Variants in EPHA7 observed in about 807,000 individuals in gnomAD.
EPHA7 encodes the protein EPH receptor A7.
In EPHA7, 25 loss-of-function variants were observed where a neutral mutation model predicts 112.6. The observed-to-expected ratio is 0.22, with a 90% CI of 0.16 to 0.31. The LOEUF (loss-of-function observed/expected upper bound fraction) is 0.31. Among genes scored for constraint, EPHA7 ranks in the 10% least tolerant of loss-of-function variants. EPHA7 has a pLI of 1.00. For missense variants in EPHA7, 962 were observed against 1,212.6 expected, an observed-to-expected ratio of 0.79 and a Z score of 3.07; for synonymous variants, 437 against 406.5, an observed-to-expected ratio of 1.07 and a Z score of -0.90.
chr6:93,404,620 C>CAT (rs112219676), intron 3 of EPHA7, among the ~76,000 whole-genome samples: 9,829 of 145,690 alleles, frequency 0.067, 1,026 homozygotes, highest in African/African-American at 0.23. Context: ...TACATATAAT[C>CAT]ATATATATAT....
At chr6:93,329,398 T>C (rs1319378962) in intron 5 of EPHA7, among the ~76,000 whole-genome samples, 2 of 151,432 alleles carry the variant, frequency 1.3e-5, no homozygotes, top group Non-Finnish European at 3.0e-5. Context: ...TTATAAGCAA[T>C]ATTAATGTAA....
At position 93,250,845 on chromosome 6, in the gene EPHA7, G is replaced by A. The variant is rs1200902107; in HGVS notation, c.2532+3802C>T. On this transcript the variant is annotated intron_variant, in intron 14 of 16. Coordinates refer to ENST00000369303, the MANE Select transcript of EPHA7 (RefSeq NM_004440.4). ...CCCAGAGGAACCAGAAGTGATTTGG[G>A]TAAATGTAATTTTAAAAAAGATCTC... Among the ~76,000 whole-genome samples the A allele has an allele frequency of 2.6e-5, 4 of 152,162 alleles. No homozygotes were observed. The East Asian group carries it at 7.7e-4, about 29-fold the overall frequency.
intron 3 of EPHA7, among the ~76,000 whole-genome samples, chr6:93,389,474 A>G (rs1435696849): frequency 6.6e-6 from 1 of 152,036 alleles, no homozygotes; most frequent in Non-Finnish European, 1.5e-5. Context: ...AATATTCTTG[A>G]TAATTATTTA....
At chr6:93,359,860 GAGAGAGAGAGAGAGAGATAGATAGAT>G (rs1415159874) in intron 3 of EPHA7, among the ~76,000 whole-genome samples, 26 of 102,676 alleles carry the variant, frequency 2.5e-4, no homozygotes, top group Non-Finnish European at 4.5e-4. Context: ...ATGATAGAGA[GAGAGAGAGAGAGAGAGATAGATAGAT>G]AGATAGATAG....
intron 5 of EPHA7, among the ~76,000 whole-genome samples, chr6:93,349,341 C>T (rs1775571849): frequency 6.6e-6 from 1 of 151,774 alleles, no homozygotes; most frequent in Non-Finnish European, 1.5e-5. Context: ...ATATGAATTA[C>T]TAAAATGTCA....
At chr6:93,393,938 T>C (rs1240913934) in intron 3 of EPHA7, among the ~76,000 whole-genome samples, 2 of 151,858 alleles carry the variant, frequency 1.3e-5, no homozygotes, top group African/African-American at 2.4e-5. Flanking sequence ...AGACAGCTTT[T>C]TCATAAATTT....
Position 93,242,259 on chromosome 6 carries a change from GT to G in EPHA7, c.*1166del, listed in dbSNP as rs1769720943. The G allele has an allele frequency of 5.1e-6, 1 of 197,256 alleles. No homozygotes were observed. The highest frequency in any genetic ancestry group is 1.0e-5 in the Non-Finnish European group (1 of 96,134). 12.2% of individuals were successfully genotyped at this position (197,256 alleles called of 1,614,324 possible). On this transcript the variant is annotated 3_prime_UTR_variant, in exon 17 of 17. Coordinates refer to ENST00000369303, the MANE Select transcript of EPHA7 (RefSeq NM_004440.4). Reference sequence around the variant, plus strand: ...AGTGTTCACAAACAAAAGACTTTTTGTTTTGTTTTGTTTTGAACTGCAATGG... The same window carrying G: ...AGTGTTCACAAACAAAAGACTTTTTGTTTGTTTTGTTTTGAACTGCAATGG...
At chr6:93,356,551 G>GAGT (rs1431564615) in intron 5 of EPHA7, among the ~76,000 whole-genome samples, 166 bp downstream of exon 5, 2 of 152,100 alleles carry the variant, frequency 1.3e-5, no homozygotes, top group African/African-American at 4.8e-5. Context: ...AGATGTTAAT[G>GAGT]AGTACACTAA....
chr6:93,374,892 C>T (rs535195028), intron 3 of EPHA7, among the ~76,000 whole-genome samples: 2 of 152,130 alleles, frequency 1.3e-5, no homozygotes, highest in South Asian at 2.1e-4. Flanking sequence ...ATATTATCAT[C>T]ATAATTATTA....
At chr6:93,302,859 G>A (rs1249765036) in intron 5 of EPHA7, among the ~76,000 whole-genome samples, 1 of 152,066 alleles carries the variant, frequency 6.6e-6, no homozygotes, top group Non-Finnish European at 1.5e-5. Flanking sequence ...CACACTTAAA[G>A]CACAGAAAAA....
chr6:93,273,386 G>A (rs114718184), intron 5 of EPHA7, among the ~76,000 whole-genome samples: 2,656 of 151,998 alleles, frequency 0.017, 32 homozygotes, highest in African/African-American at 0.027. Context: ...TTAATTTTCA[G>A]ATGTCTGAAA....
chr6:93,259,305 G>A lies in EPHA7; in HGVS notation c.1924+49C>T, dbSNP rs754733451. On this transcript the variant is annotated intron_variant, in intron 10 of 16. Transcript: ENST00000369303. ...CCTGTCATTATGATGTATGACTTTC[G>A]ATCTTGGCTAAATGGAACAGCTGAA... is the stretch of plus-strand genomic sequence containing the variant. The A allele has an allele frequency of 1.7e-5, 27 of 1,603,604 alleles. No homozygotes were observed. In the African/African-American group the frequency reaches 1.7e-4, roughly 10 times the overall value.
chr6:93,376,656 T>A (rs1353544344), intron 3 of EPHA7, among the ~76,000 whole-genome samples: 1 of 152,084 alleles, frequency 6.6e-6, no homozygotes, highest in Non-Finnish European at 1.5e-5. Flanking sequence ...TGAACAAAAA[T>A]AAAGTAGATT....
Position 93,322,936 on chromosome 6 carries a change from C to T in EPHA7, c.1324+33781G>A, listed in dbSNP as rs141726012. ...GTCAATTATCACTTTTTGAGGGTCA[C>T]ATAGAATAGCAGTTAATCAAGTTGG... is the stretch of plus-strand genomic sequence containing the variant. On this transcript the variant is annotated intron_variant, in intron 5 of 16. Coordinates refer to ENST00000369303, the MANE Select transcript of EPHA7 (RefSeq NM_004440.4). 5.0e-3 allele frequency among the ~76,000 whole-genome samples: 753 copies of T among 151,394 alleles called. 12 individuals carry two copies. The highest frequency in any genetic ancestry group is 0.018 in the African/African-American group (726 of 41,326).
chr6:93,329,335 T>C (rs1774474244), intron 5 of EPHA7, among the ~76,000 whole-genome samples: 1 of 151,520 alleles, frequency 6.6e-6, no homozygotes, highest in Non-Finnish European at 1.5e-5. Flanking sequence ...CTAATCGTTA[T>C]TTATTTCAAA....
chr6:93,374,520 G>A (rs1214148503), intron 3 of EPHA7, among the ~76,000 whole-genome samples: 2 of 152,084 alleles, frequency 1.3e-5, no homozygotes, highest in Non-Finnish European at 2.9e-5. Flanking sequence ...CCTTACTAGC[G>A]AACCTTTGAC....
chr6:93,392,275 A>T (rs1777947500), intron 3 of EPHA7, among the ~76,000 whole-genome samples: 1 of 151,940 alleles, frequency 6.6e-6, no homozygotes, highest in Non-Finnish European at 1.5e-5. Flanking sequence ...GATATCCTTG[A>T]CCCCTATAGC....
At chr6:93,374,228 G>C in intron 3 of EPHA7, among the ~76,000 whole-genome samples, 1 of 152,118 alleles carries the variant, frequency 6.6e-6, no homozygotes, top group South Asian at 2.1e-4. Context: ...CCTCCTTAGT[G>C]AAGCCATATC....
chr6:93,349,393 T>TTG (rs1775573918), intron 5 of EPHA7, among the ~76,000 whole-genome samples: 1 of 151,888 alleles, frequency 6.6e-6, no homozygotes, highest in Admixed American at 6.6e-5. Flanking sequence ...ATCCTGCACT[T>TTG]TCGGATACCT....
Sources: gnomAD v4.1 joint callset for allele counts (sites outside exome capture counted in the v4.1 genomes callset) on GRCh38, gnomAD v4.1.1 for gene constraint, MANE v1.5 for transcripts, NCBI Gene and HGNC (gene_info 2026-07-23, HGNC 2026-07-21) for gene names.